The following GRB10 variants were observed in gnomAD, a reference collection of about 807,000 sequenced individuals.
GRB10 encodes the protein growth factor receptor bound protein 10, also known as growth factor receptor-bound protein 10.
GRB10 carries 20 observed loss-of-function variants against 80.9 expected under a neutral mutation model. The ratio of observed to expected loss-of-function variants is 0.25; its 90% CI spans 0.17 to 0.36. The LOEUF is 0.36. GRB10 is among the 10% of genes least tolerant of loss of function. The pLI, the probability that GRB10 is intolerant of heterozygous loss-of-function variation, is 1.00. For synonymous variants in GRB10, 291 were observed against 291.5 expected, an observed-to-expected ratio of 1.00 and a Z score of 0.02; for missense variants, 548 against 747.7, an observed-to-expected ratio of 0.73 and a Z score of 3.12.
chr7:50,710,835 A>G, intron 4 of GRB10: 2 of 1,607,302 alleles, frequency 1.2e-6, no homozygotes, highest in Non-Finnish European at 1.7e-6. Flanking sequence ...TTGCCCAGCA[A>G]CTAAAGGTAC....
At chr7:50,616,388 T>C (rs1157765921) in intron 10 of GRB10, 41 bp from the exon 11 acceptor site, 3 of 1,559,308 alleles carry the variant, frequency 1.9e-6, no homozygotes, top group Non-Finnish European at 2.6e-6. Context: ...AATGCTAATC[T>C]AAAATAATTA....
chr7:50,619,199 C>T lies in GRB10; in HGVS notation c.748G>A (p.Ala250Thr), dbSNP rs745633042. Residue 250 changes from alanine (A) to threonine (T), a missense_variant, in exon 9 of 19, where the codon GCA becomes ACA. Transcript: ENST00000401949. Reference sequence around the variant, plus strand: ...GGATTTTTAAAGAACTCGTATTTTGCGTAATTCTTCCTGAATAGAAATTTA... The same window carrying T: ...GGATTTTTAAAGAACTCGTATTTTGTGTAATTCTTCCTGAATAGAAATTTA... The part of the protein sequence containing the change: ...ESKFLFRKNY[A>T]KYEFFKNPMN... 3.7e-6 allele frequency: 6 copies of T among 1,610,016 alleles called. No individual in the cohort carries two copies. The highest frequency in any genetic ancestry group is 4.3e-6 in the Non-Finnish European group (5 of 1,176,278).
chr7:50,643,972 T>C (rs537886483), intron 7 of GRB10, among the ~76,000 whole-genome samples: 1 of 152,284 alleles, frequency 6.6e-6, no homozygotes, highest in African/African-American at 2.4e-5. Context: ...AATAATGACC[T>C]GCGGCTCTCC....
rs76512053 is a variant in GRB10 at position 50,687,024 on chromosome 7, C to T, written c.140-12366G>A. Among the ~76,000 whole-genome samples the T allele has an allele frequency of 9.7e-3, 1,481 of 152,282 alleles. 28 individuals are homozygous for T. Among genetic ancestry groups the T allele is most frequent in the African/African-American group, 0.033 (1,372 of 41,546 alleles). On this transcript the variant is annotated intron_variant, in intron 5 of 18. Coordinates refer to ENST00000401949, the MANE Select transcript of GRB10 (RefSeq NM_001350814.2). ...ACCTTACCCTGAGTCTGGCACACAGCAGGTGCTCAGTACACGTTAGTTGAG... is the reference window on the plus strand; with the variant it reads ...ACCTTACCCTGAGTCTGGCACACAGTAGGTGCTCAGTACACGTTAGTTGAG...
At position 50,662,603 on chromosome 7, in the gene GRB10, T is replaced by C. The variant is rs140880336; in HGVS notation, c.504+7119A>G. Among the ~76,000 whole-genome samples, 385 of 152,300 alleles carry C rather than the reference T, an allele frequency of 2.5e-3. 1 individual carries two copies. The highest frequency in any genetic ancestry group is 7.7e-3 in the African/African-American group (318 of 41,568). The stretch of plus-strand genomic sequence containing the variant: ...TTGGGCTCATCTAGATTGAGTACAA[T>C]TTCCTGCCTGTACCTCTAGTTGGCT... On this transcript the variant is annotated intron_variant, in intron 7 of 18. Coordinates refer to ENST00000401949, the MANE Select transcript of GRB10 (RefSeq NM_001350814.2).
In GRB10 at chr7:50,753,438, T is replaced by C. The variant is rs113305954; in HGVS notation, c.-47+2449A>G. Among the ~76,000 whole-genome samples, 757 of 152,300 alleles carry C rather than the reference T, an allele frequency of 5.0e-3. 1 individual carries two copies. Among genetic ancestry groups the C allele is most frequent in the Non-Finnish European group, 8.3e-3 (563 of 68,034 alleles). ...CCAAATGGGTGCCCACATTCACTCA[T>C]TCTCTTGTTGGACAAGAGGGAGCCC... On this transcript the variant is annotated intron_variant, in intron 3 of 18. Coordinates refer to ENST00000401949, the MANE Select transcript of GRB10 (RefSeq NM_001350814.2).
At chr7:50,600,053 T>G (rs1220632355) in intron 17 of GRB10, among the ~76,000 whole-genome samples, 5 of 152,058 alleles carry the variant, frequency 3.3e-5, no homozygotes, top group Admixed American at 2.0e-4. Context: ...CCTGTGGAAG[T>G]GCCAATTCTC....
At chr7:50,642,473 T>G (rs753780856) in intron 7 of GRB10, among the ~76,000 whole-genome samples, 2 of 151,670 alleles carry the variant, frequency 1.3e-5, no homozygotes, top group African/African-American at 4.8e-5. Flanking sequence ...TACATATACA[T>G]ATACACATAA....
intron 15 of GRB10, 162 bp downstream of exon 15, chr7:50,605,128 G>A: frequency 4.6e-6 from 3 of 650,114 alleles, no homozygotes; most frequent in Non-Finnish European, 8.2e-6. Context: ...ACATGGAAGG[G>A]GCCTAGAAGG....
chr7:50,674,165 T>A (rs1260829026), intron 6 of GRB10, among the ~76,000 whole-genome samples: 1 of 152,238 alleles, frequency 6.6e-6, no homozygotes, highest in Non-Finnish European at 1.5e-5. Flanking sequence ...GTGGTTTTCC[T>A]GCATATCCCT....
intron 8 of GRB10, among the ~76,000 whole-genome samples, chr7:50,624,907 C>A (rs1431901494): frequency 6.6e-6 from 1 of 151,500 alleles, no homozygotes; most frequent in Non-Finnish European, 1.5e-5. Context: ...TTCCCTTTCC[C>A]TTTTTTTCCT....
chr7:50,635,586 C>G (rs1334339655), intron 7 of GRB10, among the ~76,000 whole-genome samples: 1 of 151,886 alleles, frequency 6.6e-6, no homozygotes, highest in African/African-American at 2.4e-5. Flanking sequence ...CACAAAGGAT[C>G]AATGAAATCA....
chr7:50,619,801 C>G (rs546167518), intron 8 of GRB10, among the ~76,000 whole-genome samples: 2 of 152,096 alleles, frequency 1.3e-5, no homozygotes, highest in African/African-American at 2.4e-5. Context: ...CAAGACTGTA[C>G]GTACATACTC....
intron 8 of GRB10, among the ~76,000 whole-genome samples, chr7:50,621,189 C>A (rs1011580435): frequency 1.3e-5 from 2 of 152,198 alleles, no homozygotes; most frequent in Non-Finnish European, 2.9e-5. Context: ...TGTCTCCCTG[C>A]GCCTCCCCTG....
At chr7:50,750,445 C>T (rs144236469) in intron 3 of GRB10, among the ~76,000 whole-genome samples, 7 of 152,274 alleles carry the variant, frequency 4.6e-5, no homozygotes, top group South Asian at 2.1e-4. Flanking sequence ...CAGGTGCGCA[C>T]GCGGAGATAT....
At chr7:50,789,152 G>A (rs1313524507) in intron 1 of GRB10, among the ~76,000 whole-genome samples, 1 of 152,218 alleles carries the variant, frequency 6.6e-6, no homozygotes, top group Admixed American at 6.5e-5. Context: ...AGCACTGACT[G>A]TGGCTCAAAG....
intron 4 of GRB10, among the ~76,000 whole-genome samples, chr7:50,705,823 G>C (rs2064967092): frequency 6.6e-6 from 1 of 152,216 alleles, no homozygotes; most frequent in South Asian, 2.1e-4. Flanking sequence ...CTAAGAAAGA[G>C]GGGAAAGACA....
chr7:50,654,853 C>G (rs2153621974), intron 7 of GRB10, among the ~76,000 whole-genome samples: 1 of 152,292 alleles, frequency 6.6e-6, no homozygotes, highest in East Asian at 1.9e-4. Context: ...ACTCGCATAA[C>G]TACAGTACAA....
chr7:50,681,808 A>C (rs2061570642), intron 5 of GRB10, among the ~76,000 whole-genome samples: 1 of 152,188 alleles, frequency 6.6e-6, no homozygotes, highest in Admixed American at 6.5e-5. Context: ...CTTGCCTTCC[A>C]TGTGAGGTGT....
Sources: allele counts gnomAD v4.1 joint callset (sites outside exome capture counted in the v4.1 genomes callset), GRCh38; gene constraint gnomAD v4.1.1; transcripts MANE v1.5; gene names NCBI Gene and HGNC (gene_info 2026-07-23, HGNC 2026-07-21).